Variants in USP24 observed in about 807,000 individuals in gnomAD.
USP24 encodes ubiquitin specific peptidase 24, also known as ubiquitin carboxyl-terminal hydrolase 24.
Under a neutral mutation model 361.6 loss-of-function variants are expected in USP24, and 97 were observed. The observed-to-expected ratio is 0.27, with a 90% CI of 0.23 to 0.32. USP24 has a LOEUF of 0.32. USP24 is among the 10% of genes least tolerant of loss of function. USP24 has a pLI of 1.00. For missense variants in USP24, 2,353 were observed against 3,165.6 expected (o/e 0.74, Z 6.16); for synonymous variants, 1,098 against 1,124.6 (o/e 0.98, Z 0.47).
chr1:55,142,945 T>G, intron 22 of USP24, 34 bp downstream of exon 22: 1 of 1,470,154 alleles, frequency 6.8e-7, no homozygotes, highest in African/African-American at 1.4e-5. Context: ...TCTGCTTTTT[T>G]GTATATGGAT....
chr1:55,192,865 C>T (rs979579261), intron 1 of USP24, among the ~76,000 whole-genome samples: 1 of 152,126 alleles, frequency 6.6e-6, no homozygotes, highest in African/African-American at 2.4e-5. Flanking sequence ...ATCTTCATTC[C>T]ATGTTATGAG....
At chr1:55,116,132 C>T (rs767618028) in intron 38 of USP24, among the ~76,000 whole-genome samples, 3 of 151,980 alleles carry the variant, frequency 2.0e-5, no homozygotes, top group South Asian at 2.1e-4. Flanking sequence ...CAAACCTGCA[C>T]GTTCTGCACG....
rs373859515 is a variant in USP24 at position 55,134,381 on chromosome 1, G to A, written c.3234C>T (p.Leu1078=). 1.9e-6 allele frequency: 3 copies of A among 1,612,430 alleles called. No homozygotes were observed. The highest frequency in any genetic ancestry group is 1.7e-5 in the Admixed American group (1 of 59,864). Residue 1078 remains leucine (L), a synonymous_variant, in exon 29 of 68, where the codon CTC becomes CTT. Coordinates refer to ENST00000294383, the MANE Select transcript of USP24 (RefSeq NM_015306.3). ...EKSLPGVVMA[L]VCNVFDMLYQ... ...AAAGCATGTCAAATACGTTACATAC[G>A]AGAGCCATCACTACACCAGGGAGGG...
chr1:55,112,468 G>T (rs145674448), intron 38 of USP24, among the ~76,000 whole-genome samples: 1 of 152,126 alleles, frequency 6.6e-6, no homozygotes, highest in Non-Finnish European at 1.5e-5. Context: ...ATTCTGGTAC[G>T]TTGTGTCTTT....
At chr1:55,176,575 C>T (rs1650001768) in intron 2 of USP24, 132 bp from the exon 3 acceptor site, 3 of 772,404 alleles carry the variant, frequency 3.9e-6, no homozygotes, top group Non-Finnish European at 6.1e-6. Flanking sequence ...ATTCTAAATC[C>T]ATACATATGG....
At chr1:55,182,987 G>A (rs544663976) in intron 1 of USP24, among the ~76,000 whole-genome samples, 3 of 152,254 alleles carry the variant, frequency 2.0e-5, no homozygotes, top group African/African-American at 4.8e-5. Context: ...CCAAAGTGCT[G>A]GGATTACAGG....
At chr1:55,204,269 A>C (rs560256560) in intron 1 of USP24, among the ~76,000 whole-genome samples, 130 of 152,310 alleles carry the variant, frequency 8.5e-4, no homozygotes, top group African/African-American at 3.1e-3. Context: ...GCCTAAAATA[A>C]GACCAGTTCC....
intron 58 of USP24, 101 bp downstream of exon 58, chr1:55,083,171 T>TA: frequency 1.7e-6 from 2 of 1,179,762 alleles, no homozygotes; most frequent in East Asian, 2.5e-5. Flanking sequence ...TACTACTACT[T>TA]AGACTTTTAT....
In USP24 at chr1:55,177,172, CTT is replaced by C. The variant is rs201143573; in HGVS notation, c.491-731_491-730del. ...ATTTGCAATAAATGCCTAAATTACT[CTT>C]CTTCCCTAAAACAAACCAATGAACT... is the stretch of plus-strand genomic sequence containing the variant. On this transcript the variant is annotated intron_variant, in intron 2 of 67. Coordinates refer to ENST00000294383, the MANE Select transcript of USP24 (RefSeq NM_015306.3). Among the ~76,000 whole-genome samples, 1,169 of 151,868 alleles carry C rather than the reference CTT, an allele frequency of 7.7e-3. 21 individuals carry two copies. The highest frequency in any genetic ancestry group is 0.027 in the African/African-American group (1,115 of 41,462).
Position 55,154,031 on chromosome 1 carries a change from C to T in USP24, c.1812+88G>A, listed in dbSNP as rs1647368071. On this transcript the variant is annotated intron_variant, in intron 15 of 67. Coordinates refer to ENST00000294383, the MANE Select transcript of USP24 (RefSeq NM_015306.3). ...CAGATATGGCATTTAGTTTAATTTA[C>T]ATAACAGGGGAGGAAAATTATTTGG... 11 of 1,587,280 alleles carry T rather than the reference C, an allele frequency of 6.9e-6. No individual in the cohort carries two copies. The Admixed American group carries it at 1.2e-4, about 18-fold the overall frequency.
Position 55,206,656 on chromosome 1 carries a change from G to GT in USP24, c.324+8133dup, listed in dbSNP as rs1491501014. 8.3e-3 allele frequency among the ~76,000 whole-genome samples: 160 copies of GT among 19,174 alleles called. 1 individual carries two copies. The highest frequency in any genetic ancestry group is 0.027 in the African/African-American group (157 of 5,732). The allele number at this position is 19,174 out of a possible 152,430, so 12.6% of individuals were successfully genotyped here. On this transcript the variant is annotated intron_variant, in intron 1 of 67. Transcript: ENST00000294383. ...TGCCAGTGAATGGCAGAGAAAAACA[G>GT]TAAAAAAAAAAAAAAAAGGGTCGGG...
intron 49 of USP24, 40 bp downstream of exon 49, chr1:55,096,912 G>A: frequency 6.3e-7 from 1 of 1,588,950 alleles, no homozygotes. Context: ...GAGCAGGGGA[G>A]GGCAGAAAGT....
At chr1:55,130,153 C>T (rs1467549763) in intron 31 of USP24, among the ~76,000 whole-genome samples, 3 of 152,194 alleles carry the variant, frequency 2.0e-5, no homozygotes, top group African/African-American at 7.2e-5. Flanking sequence ...ACCGCAATGC[C>T]TACACCTAAA....
At position 55,141,678 on chromosome 1, in the gene USP24, T is replaced by G; in HGVS notation, c.2688A>C (p.Ala896=). ...TGGCAGTTGCTGTAAGCATTTTTGT[T>G]GCTCTGGTCACAGCATGTGTTAGAG... ...GPTLTHAVTR[A]TKMLTATAMP... is the part of the protein sequence containing the mutation. The change falls in exon 24 of 68, where the codon GCA becomes GCC. Residue 896 remains alanine, a synonymous_variant. Coordinates refer to ENST00000294383, the MANE Select transcript of USP24 (RefSeq NM_015306.3). 1 of 1,612,212 alleles carries G rather than the reference T, an allele frequency of 6.2e-7. No homozygotes were observed. Among genetic ancestry groups the G allele is most frequent in the Non-Finnish European group, 8.5e-7 (1 of 1,179,146 alleles).
At chr1:55,131,976 A>T (rs1266044529) in intron 31 of USP24, among the ~76,000 whole-genome samples, 1 of 152,224 alleles carries the variant, frequency 6.6e-6, no homozygotes, top group Non-Finnish European at 1.5e-5. Context: ...ACACTCTGCC[A>T]TCCAGACTCA....
intron 16 of USP24, among the ~76,000 whole-genome samples, chr1:55,153,517 T>A (rs1230209986): frequency 6.6e-6 from 1 of 152,142 alleles, no homozygotes; most frequent in Non-Finnish European, 1.5e-5. Flanking sequence ...TTCTCCTTTA[T>A]GGGAGAAAAA....
At chr1:55,213,918 A>G (rs948199778) in intron 1 of USP24, among the ~76,000 whole-genome samples, 8 of 151,768 alleles carry the variant, frequency 5.3e-5, no homozygotes, top group Non-Finnish European at 1.0e-4. Context: ...GCCCCTCTGC[A>G]TAGCACCCTC....
At chr1:55,186,228 A>G (rs189985537) in intron 1 of USP24, among the ~76,000 whole-genome samples, 1 of 152,340 alleles carries the variant, frequency 6.6e-6, no homozygotes, top group African/African-American at 2.4e-5. Flanking sequence ...AAAATGGACA[A>G]GGAAATTTCA....
intron 3 of USP24, among the ~76,000 whole-genome samples, chr1:55,172,753 T>C (rs1232830880): frequency 1.3e-5 from 2 of 152,222 alleles, no homozygotes; most frequent in Non-Finnish European, 2.9e-5. Context: ...GCACTTTGTT[T>C]AAAAGAAAAA....
Sources: allele counts gnomAD v4.1 joint callset (sites outside exome capture counted in the v4.1 genomes callset), GRCh38; gene constraint gnomAD v4.1.1; transcripts MANE v1.5; gene names NCBI Gene and HGNC (gene_info 2026-07-23, HGNC 2026-07-21).